Variants in ATF7IP2 observed in about 807,000 individuals in gnomAD.
ATF7IP2 encodes the protein activating transcription factor 7-interacting protein 2.
In ATF7IP2, 42 loss-of-function variants were observed where a neutral mutation model predicts 64.2. The ratio of observed to expected loss-of-function variants is 0.65; its 90% CI spans 0.51 to 0.85. The LOEUF (loss-of-function observed/expected upper bound fraction) is 0.85. Among genes scored for constraint, ATF7IP2 ranks in the 40% least tolerant of loss-of-function variants. The pLI is 0.00. For missense variants in ATF7IP2, 933 were observed against 784.2 expected (o/e 1.19, Z -2.27); for synonymous variants, 308 against 272.8 (o/e 1.13, Z -1.27).
chr16:10,394,964 C>A lies in ATF7IP2; in HGVS notation c.-242+8842C>A, dbSNP rs578169458. ...TAGAAGAACAAACTGAGCCTGAAGT[C>A]AGCAGAATGTAGGAAAAAATTAGTG... On this transcript the variant is annotated intron_variant, in intron 1 of 13. Coordinates refer to ENST00000562102, the MANE Select transcript of ATF7IP2 (RefSeq NM_001393719.1). Among the ~76,000 whole-genome samples the A allele has an allele frequency of 3.6e-4, 55 of 151,986 alleles. No individual in the cohort carries two copies. In the East Asian group the frequency reaches 4.3e-3, roughly 12 times the overall value.
chr16:10,469,195 C>T (rs529065500), intron 9 of ATF7IP2, among the ~76,000 whole-genome samples: 116 of 152,154 alleles, frequency 7.6e-4, no homozygotes, highest in Admixed American at 2.9e-3. Context: ...ATAATTTGGA[C>T]TTAGCAGACG....
intron 6 of ATF7IP2, among the ~76,000 whole-genome samples, chr16:10,435,332 C>T (rs1375060138): frequency 6.6e-6 from 1 of 152,080 alleles, no homozygotes; most frequent in African/African-American, 2.4e-5. Flanking sequence ...AAGGGTTTTT[C>T]CTTTACAGTC....
In ATF7IP2 at chr16:10,457,423, A is replaced by T. The variant is rs2142010692; in HGVS notation, c.1246A>T (p.Ser416Cys). 6.2e-7 allele frequency: 1 copy of T among 1,608,352 alleles called. No homozygotes were observed. Among genetic ancestry groups the T allele is most frequent in the Admixed American group, 1.7e-5 (1 of 58,916 alleles). ...ILDKNLESVN[S>C]PIEKSSVNYE... is the part of the protein sequence containing the mutation. ...GGATAAGAATCTTGAGTCAGTTAAT[A>T]GTCCAATTGAAAAGTCTTCTGTGAA... Residue 416 changes from serine to cysteine, a missense_variant, in exon 9 of 14, where the codon AGT becomes TGT. Transcript: ENST00000562102.
chr16:10,412,486 G>C (rs2047791513), intron 1 of ATF7IP2, among the ~76,000 whole-genome samples: 1 of 152,144 alleles, frequency 6.6e-6, no homozygotes, highest in South Asian at 2.1e-4. Flanking sequence ...GCATGGTTTT[G>C]AAGTTTCCTT....
At chr16:10,399,902 C>T (rs1394548383) in intron 1 of ATF7IP2, among the ~76,000 whole-genome samples, 1 of 152,020 alleles carries the variant, frequency 6.6e-6, no homozygotes, top group African/African-American at 2.4e-5. Context: ...GGTCTTTGAC[C>T]TCCTTGGTTA....
chr16:10,412,804 C>CT (rs1176370921), intron 1 of ATF7IP2, among the ~76,000 whole-genome samples: 1 of 152,108 alleles, frequency 6.6e-6, no homozygotes, highest in Non-Finnish European at 1.5e-5. Context: ...GTGTTGCTGT[C>CT]TATCTCATTT....
chr16:10,456,802 G>C (rs948591466), intron 8 of ATF7IP2, among the ~76,000 whole-genome samples: 3 of 152,154 alleles, frequency 2.0e-5, no homozygotes, highest in African/African-American at 7.2e-5. Context: ...CACTGCTACA[G>C]GTTTGGGGCA....
At chr16:10,440,108 C>T (rs994889743) in intron 7 of ATF7IP2, among the ~76,000 whole-genome samples, 3 of 151,912 alleles carry the variant, frequency 2.0e-5, no homozygotes, top group African/African-American at 7.2e-5. Flanking sequence ...TGCAGTGAGT[C>T]GAGATCGCAC....
In ATF7IP2 at chr16:10,439,660, G is replaced by A. The variant is rs1462935343; in HGVS notation, c.1096-704G>A. Among the ~76,000 whole-genome samples, 60 of 150,192 alleles carry A rather than the reference G, an allele frequency of 4.0e-4. 1 individual carries two copies. The highest frequency in any genetic ancestry group is 1.4e-3 in the African/African-American group (57 of 41,022). On this transcript the variant is annotated intron_variant, in intron 7 of 13. Transcript: ENST00000562102. ...CGAGTCTCCTGCCTCAGCCTCCCGA[G>A]TAGCTGGGATTACAGGCGCCTGCCA...
chr16:10,399,300 C>T (rs1392950124), intron 1 of ATF7IP2, among the ~76,000 whole-genome samples: 1 of 152,110 alleles, frequency 6.6e-6, no homozygotes, highest in Non-Finnish European at 1.5e-5. Flanking sequence ...AAAATTGCAG[C>T]TGGCTTGGGA....
Position 10,482,146 on chromosome 16 carries a change from C to T in ATF7IP2, c.1946C>T (p.Ser649Phe), listed in dbSNP as rs756274283. 6.2e-7 allele frequency: 1 copy of T among 1,613,596 alleles called. No homozygotes were observed. Among genetic ancestry groups the T allele is most frequent in the Non-Finnish European group, 8.5e-7 (1 of 1,179,534 alleles). ...TGTACTTTATCTCAGTTTTTAGCTT[C>T]CAACAGATACTATTTTACTGTCCAA... ...MACTLSQFLA[S>F]NRYYFTVQSK... Residue 649 changes from serine (S) to phenylalanine (F), a missense_variant, in exon 14 of 14, where the codon TCC becomes TTC. Transcript: ENST00000562102.
intron 1 of ATF7IP2, among the ~76,000 whole-genome samples, chr16:10,397,823 C>A (rs149915938): frequency 6.7e-6 from 1 of 149,354 alleles, no homozygotes; most frequent in East Asian, 2.0e-4. Context: ...TGCCACTGCC[C>A]TGCAACCTGG....
rs1220051282 is a variant in ATF7IP2, at chr16:10,438,174, A to G, written c.1034A>G (p.Asn345Ser). Residue 345 changes from asparagine to serine, a missense_variant, in exon 7 of 14, where the codon AAC becomes AGC. Coordinates refer to ENST00000562102, the MANE Select transcript of ATF7IP2 (RefSeq NM_001393719.1). ...ELFDKKLKEL[N>S]QRIGKTECRN... The stretch of plus-strand genomic sequence containing the variant: ...TTTGATAAGAAACTGAAAGAATTGA[A>G]CCAACGCATTGGGAAGACAGAGTGC... 1 of 1,606,430 alleles carries G rather than the reference A, an allele frequency of 6.2e-7. No individual in the cohort carries two copies. Among genetic ancestry groups the G allele is most frequent in the East Asian group, 2.3e-5 (1 of 44,118 alleles).
chr16:10,478,926 G>T (rs1397907449), intron 12 of ATF7IP2, among the ~76,000 whole-genome samples: 1 of 152,094 alleles, frequency 6.6e-6, no homozygotes, highest in Admixed American at 6.5e-5. Flanking sequence ...GCCATCAGAG[G>T]AATGCAAATC....
rs148257482 is a variant in ATF7IP2 at position 10,422,386 on chromosome 16, C to T, written c.-160+2763C>T. ...CAGGGACATACCCCGTTTCATGCAT[C>T]ATATGTTGACTTTGAGGGCTGTATA... On this transcript the variant is annotated intron_variant, in intron 3 of 13. Transcript: ENST00000562102. 1.7e-3 allele frequency among the ~76,000 whole-genome samples: 255 copies of T among 152,212 alleles called. 1 individual carries two copies. Among genetic ancestry groups the T allele is most frequent in the Middle Eastern group, 3.4e-3 (1 of 294 alleles).
intron 1 of ATF7IP2, chr16:10,387,443 G>T (rs1195205588): frequency 6.6e-6 from 1 of 152,234 alleles, no homozygotes; most frequent in East Asian, 1.9e-4. Flanking sequence ...AAATACATGA[G>T]CCAGTGCCTT....
intron 9 of ATF7IP2, among the ~76,000 whole-genome samples, chr16:10,466,337 C>T (rs1179068555): frequency 1.3e-5 from 2 of 152,140 alleles, no homozygotes; most frequent in African/African-American, 4.8e-5. Context: ...TGTGAACATT[C>T]TTTTACATGT....
rs754936994 is a variant in ATF7IP2 at position 10,482,777 on chromosome 16, T to A, written c.*528T>A. ...TGGAATATTGCTCTGTTGCCCAGGC[T>A]GGAGTACAGTGGTCACTGCAACCTC... On this transcript the variant is annotated 3_prime_UTR_variant, in exon 14 of 14. Coordinates refer to ENST00000562102, the MANE Select transcript of ATF7IP2 (RefSeq NM_001393719.1). 6.6e-6 allele frequency: 1 copy of A among 152,350 alleles called. No homozygotes were observed. Among genetic ancestry groups the A allele is most frequent in the Non-Finnish European group, 1.5e-5 (1 of 68,182 alleles). 9.4% of individuals were successfully genotyped at this position (152,350 alleles called of 1,614,324 possible). A position where few individuals can be genotyped will look rare whatever the true frequency, so the allele number is the denominator to read the frequency against.
intron 3 of ATF7IP2, among the ~76,000 whole-genome samples, chr16:10,427,180 A>G (rs1187766863): frequency 1.3e-5 from 2 of 152,216 alleles, no homozygotes; most frequent in African/African-American, 2.4e-5. Flanking sequence ...TATGTTAAGT[A>G]TGCTTTGAAA....
Sources: gnomAD v4.1 joint callset for allele counts (sites outside exome capture counted in the v4.1 genomes callset) on GRCh38, gnomAD v4.1.1 for gene constraint, MANE v1.5 for transcripts, NCBI Gene and HGNC (gene_info 2026-07-23, HGNC 2026-07-21) for gene names.